SCFD2: variants seen among roughly 807,000 people sequenced by gnomAD.
The protein encoded by SCFD2 is sec1 family domain containing 2.
Under a neutral mutation model 58.9 loss-of-function variants are expected in SCFD2, and 54 were observed. That is an observed-to-expected ratio of 0.92 (90% CI 0.74 to 1.15). The LOEUF (loss-of-function observed/expected upper bound fraction) is 1.15, where lower values mean the gene tolerates loss of function less well. Ranked by LOEUF, SCFD2 falls within the 50% of genes most tolerant of loss-of-function variation. The pLI, the probability that SCFD2 is intolerant of heterozygous loss-of-function variation, is 0.00. For synonymous variants in SCFD2, 321 were observed against 335.9 expected, an observed-to-expected ratio of 0.96 and a Z score of 0.49; for missense variants, 805 against 836.6, an observed-to-expected ratio of 0.96 and a Z score of 0.47.
chr4:53,258,434 T>G (rs1255143272), intron 4 of SCFD2, among the ~76,000 whole-genome samples: 7 of 151,690 alleles, frequency 4.6e-5, no homozygotes, highest in African/African-American at 1.7e-4. Context: ...TTTCCATTCC[T>G]GAGTTACTTC....
At chr4:53,127,828 A>G (rs149325617) in intron 5 of SCFD2, among the ~76,000 whole-genome samples, 293 of 152,190 alleles carry the variant, frequency 1.9e-3, no homozygotes, top group African/African-American at 5.7e-3. Flanking sequence ...GAAAAGTCCA[A>G]TGTGGAGGAG....
At chr4:53,328,427 CA>C (rs1425766348) in intron 2 of SCFD2, among the ~76,000 whole-genome samples, 1 of 151,964 alleles carries the variant, frequency 6.6e-6, no homozygotes, top group Non-Finnish European at 1.5e-5. Context: ...TTAAAATGCT[CA>C]AAGAACGATG....
At chr4:53,021,781 A>C (rs1304924615) in intron 5 of SCFD2, among the ~76,000 whole-genome samples, 2 of 152,160 alleles carry the variant, frequency 1.3e-5, no homozygotes, top group Non-Finnish European at 2.9e-5. Context: ...AATTTATTTT[A>C]GATACTTCAG....
chr4:53,268,762 A>G (rs1216182128), intron 4 of SCFD2, among the ~76,000 whole-genome samples: 2 of 152,190 alleles, frequency 1.3e-5, no homozygotes, highest in South Asian at 2.1e-4. Flanking sequence ...GGTTTCCACA[A>G]GGGTGCCTCT....
At chr4:53,329,987 G>C (rs1041685538) in intron 2 of SCFD2, among the ~76,000 whole-genome samples, 3 of 151,812 alleles carry the variant, frequency 2.0e-5, no homozygotes, top group Non-Finnish European at 4.4e-5. Flanking sequence ...CTGGAAGAAA[G>C]GGTATCAGCG....
At chr4:53,220,044 C>T (rs1240123341) in intron 4 of SCFD2, among the ~76,000 whole-genome samples, 1 of 152,116 alleles carries the variant, frequency 6.6e-6, no homozygotes, top group Non-Finnish European at 1.5e-5. Context: ...TATCTCTCCC[C>T]AGTCAGCCTC....
intron 5 of SCFD2, among the ~76,000 whole-genome samples, chr4:53,122,235 G>A (rs1192238141): frequency 1.3e-5 from 2 of 152,092 alleles, no homozygotes; most frequent in Non-Finnish European, 2.9e-5. Context: ...AAATTAGCTG[G>A]GCATGGTGGT....
intron 4 of SCFD2, among the ~76,000 whole-genome samples, chr4:53,243,988 G>A (rs1208946532): frequency 6.6e-6 from 1 of 151,870 alleles, no homozygotes; most frequent in Non-Finnish European, 1.5e-5. Context: ...GACAGAGAAG[G>A]ACATAATAGA....
In SCFD2 at chr4:53,168,834, C is replaced by G. The variant is rs141388388; in HGVS notation, c.1312-23252G>C. 3.8e-3 allele frequency among the ~76,000 whole-genome samples: 582 copies of G among 152,238 alleles called. 4 individuals are homozygous for G. The highest frequency in any genetic ancestry group is 4.6e-3 in the Non-Finnish European group (315 of 68,002). On this transcript the variant is annotated intron_variant, in intron 4 of 8. Coordinates refer to ENST00000401642, the MANE Select transcript of SCFD2 (RefSeq NM_152540.4). Reference sequence around the variant, plus strand: ...ATAGTCACCACACTGTGCAACAGATCTCAAAAAACATATTCTTCCTGTCTA... The same window carrying G: ...ATAGTCACCACACTGTGCAACAGATGTCAAAAAACATATTCTTCCTGTCTA...
At chr4:53,098,182 T>C (rs1724717572) in intron 5 of SCFD2, among the ~76,000 whole-genome samples, 1 of 152,198 alleles carries the variant, frequency 6.6e-6, no homozygotes, top group Non-Finnish European at 1.5e-5. Flanking sequence ...ATTCTCTTTT[T>C]TTGTTGTGTC....
intron 4 of SCFD2, among the ~76,000 whole-genome samples, chr4:53,181,896 C>T (rs1179425426): frequency 4.6e-5 from 7 of 152,222 alleles, no homozygotes; most frequent in South Asian, 2.1e-4. Context: ...TGAACTCCCA[C>T]TCACAATTGC....
At chr4:53,100,928 C>A (rs188769365) in intron 5 of SCFD2, among the ~76,000 whole-genome samples, 1,735 of 152,204 alleles carry the variant, frequency 0.011, 18 homozygotes, top group Middle Eastern at 0.034. Flanking sequence ...CCACGACCCC[C>A]AAATGATGTT....
At chr4:53,228,265 A>G (rs573045102) in intron 4 of SCFD2, among the ~76,000 whole-genome samples, 1 of 152,288 alleles carries the variant, frequency 6.6e-6, no homozygotes, top group South Asian at 2.1e-4. Context: ...ATGATTTTAC[A>G]AAGAACAGGG....
intron 3 of SCFD2, among the ~76,000 whole-genome samples, chr4:53,274,436 A>G (rs1033701229): frequency 2.6e-5 from 4 of 152,216 alleles, no homozygotes; most frequent in African/African-American, 9.6e-5. Context: ...GATGAGAAAT[A>G]GATTATTTCT....
chr4:53,009,523 G>A (rs891505144), intron 5 of SCFD2, among the ~76,000 whole-genome samples: 1 of 152,196 alleles, frequency 6.6e-6, no homozygotes, highest in African/African-American at 2.4e-5. Context: ...TAGGACAGAT[G>A]TGCCGCTGAA....
chr4:53,215,552 T>C (rs1253661583), intron 4 of SCFD2, among the ~76,000 whole-genome samples: 1 of 152,114 alleles, frequency 6.6e-6, no homozygotes, highest in Non-Finnish European at 1.5e-5. Context: ...TGGGCTGAGA[T>C]GATGGGGTTT....
chr4:53,252,937 C>T (rs1730452565), intron 4 of SCFD2, among the ~76,000 whole-genome samples: 1 of 152,190 alleles, frequency 6.6e-6, no homozygotes, highest in African/African-American at 2.4e-5. Flanking sequence ...AAACTACCAT[C>T]AGAGTGAACA....
chr4:53,179,150 CACCACAA>C (rs2148945511), intron 4 of SCFD2, among the ~76,000 whole-genome samples: 1 of 152,234 alleles, frequency 6.6e-6, no homozygotes, highest in Admixed American at 6.5e-5. Context: ...ATACAGAAAA[CACCACAA>C]AGATACTCCT....
chr4:53,144,749 C>T (rs1726272146), intron 5 of SCFD2, among the ~76,000 whole-genome samples: 1 of 151,906 alleles, frequency 6.6e-6, no homozygotes. Flanking sequence ...GCTATTTTAA[C>T]AAGGTCTAGG....
Sources: allele counts gnomAD v4.1 joint callset (sites outside exome capture counted in the v4.1 genomes callset), GRCh38; gene constraint gnomAD v4.1.1; transcripts MANE v1.5; gene names NCBI Gene and HGNC (gene_info 2026-07-23, HGNC 2026-07-21).